Variants in TMEM117 observed in about 807,000 individuals in gnomAD.
TMEM117 encodes the protein transmembrane protein 117.
In TMEM117, 27 loss-of-function variants were observed where a neutral mutation model predicts 52.4. That is an observed-to-expected ratio of 0.51 (90% CI 0.38 to 0.71). The LOEUF is 0.71. TMEM117 is among the 30% of genes least tolerant of loss of function. The pLI is 0.00. For synonymous variants in TMEM117, 215 were observed against 206.3 expected, an observed-to-expected ratio of 1.04 and a Z score of -0.36; for missense variants, 556 against 630.5, an observed-to-expected ratio of 0.88 and a Z score of 1.26.
chr12:43,899,691 A>T (rs1453395106), intron 2 of TMEM117, among the ~76,000 whole-genome samples: 1 of 152,198 alleles, frequency 6.6e-6, no homozygotes, highest in Non-Finnish European at 1.5e-5. Context: ...ATTATAAAAA[A>T]GACTACTATT....
At chr12:43,894,680 G>A (rs957907225) in intron 2 of TMEM117, among the ~76,000 whole-genome samples, 1 of 151,890 alleles carries the variant, frequency 6.6e-6, no homozygotes. Flanking sequence ...GTTTGCTAAG[G>A]ATAATGGCCC....
chr12:44,258,673 A>G (rs921476311), intron 5 of TMEM117, among the ~76,000 whole-genome samples: 2 of 152,184 alleles, frequency 1.3e-5, no homozygotes, highest in Admixed American at 6.6e-5. Context: ...GCTTTTCACA[A>G]TTCAATAGTC....
chr12:44,339,915 C>T (rs926263466), intron 6 of TMEM117, among the ~76,000 whole-genome samples: 7 of 151,982 alleles, frequency 4.6e-5, no homozygotes, highest in Admixed American at 1.3e-4. Flanking sequence ...GACAATTCTA[C>T]ATTTAAAGTG....
At chr12:44,182,096 A>G (rs1949208952) in intron 4 of TMEM117, among the ~76,000 whole-genome samples, 1 of 151,916 alleles carries the variant, frequency 6.6e-6, no homozygotes, top group South Asian at 2.1e-4. Context: ...ATTCCTAGGT[A>G]TTTTATTCTC....
intron 2 of TMEM117, among the ~76,000 whole-genome samples, chr12:43,941,374 A>G (rs1945041647): frequency 6.6e-6 from 1 of 152,196 alleles, no homozygotes; most frequent in African/African-American, 2.4e-5. Context: ...TTTCCAAACC[A>G]GCATACCTAA....
At chr12:43,996,940 C>A (rs1327496134) in intron 3 of TMEM117, among the ~76,000 whole-genome samples, 2 of 152,144 alleles carry the variant, frequency 1.3e-5, no homozygotes, top group Non-Finnish European at 2.9e-5. Context: ...ATTAAGTTGA[C>A]AATATAGAGA....
intron 4 of TMEM117, among the ~76,000 whole-genome samples, chr12:44,166,610 A>G (rs1325214875): frequency 6.6e-6 from 1 of 152,204 alleles, no homozygotes; most frequent in African/African-American, 2.4e-5. Flanking sequence ...CTAAGTGGAC[A>G]AATAAAATTT....
At chr12:44,029,070 A>G (rs1203572782) in intron 3 of TMEM117, among the ~76,000 whole-genome samples, 1 of 152,184 alleles carries the variant, frequency 6.6e-6, no homozygotes, top group Non-Finnish European at 1.5e-5. Flanking sequence ...CAGGAAAAGA[A>G]TGGAATTAGG....
At chr12:44,239,676 G>A (rs1038818442) in intron 5 of TMEM117, among the ~76,000 whole-genome samples, 7 of 151,848 alleles carry the variant, frequency 4.6e-5, no homozygotes, top group Admixed American at 4.6e-4. Flanking sequence ...TGCTTTTCAC[G>A]CCTGTAGCAT....
In TMEM117 at chr12:44,067,162, G is replaced by A. The variant is rs188636767; in HGVS notation, c.411-76363G>A. Among the ~76,000 whole-genome samples, 3 of 152,196 alleles carry A rather than the reference G, an allele frequency of 2.0e-5. No homozygotes were observed. In the East Asian group the frequency reaches 5.8e-4, roughly 29 times the overall value. The stretch of plus-strand genomic sequence containing the variant: ...TCTTCAGGCTCTACTTCTAATTCTA[G>A]TTCTCTTGCTGTTTCTATAACATCT... On this transcript the variant is annotated intron_variant, in intron 3 of 7. Transcript: ENST00000266534.
rs115434533 is a variant in TMEM117, at chr12:44,330,100, C to A, written c.768+30361C>A. Among the ~76,000 whole-genome samples, 912 of 152,100 alleles carry A rather than the reference C, an allele frequency of 6.0e-3. 11 individuals are homozygous for A. Among genetic ancestry groups the A allele is most frequent in the African/African-American group, 0.02 (826 of 41,530 alleles). On this transcript the variant is annotated intron_variant, in intron 6 of 7. Transcript: ENST00000266534. ...TTTTGAGGAAGTGCCGTACCGTTTA[C>A]ATTCCCACTGTCAATGCACAAGGGT...
intron 5 of TMEM117, among the ~76,000 whole-genome samples, chr12:44,285,644 C>T (rs1327099000): frequency 6.6e-6 from 1 of 152,204 alleles, no homozygotes; most frequent in Non-Finnish European, 1.5e-5. Flanking sequence ...ATCAGCTGGG[C>T]TTCAGGGTTC....
intron 5 of TMEM117, among the ~76,000 whole-genome samples, chr12:44,260,520 A>G (rs1436018564): frequency 6.6e-6 from 1 of 152,220 alleles, no homozygotes; most frequent in Non-Finnish European, 1.5e-5. Flanking sequence ...TCCATTGGTA[A>G]TATCTATTAT....
intron 3 of TMEM117, among the ~76,000 whole-genome samples, chr12:44,002,623 G>A (rs1946133767): frequency 6.6e-6 from 1 of 152,014 alleles, no homozygotes; most frequent in Admixed American, 6.5e-5. Flanking sequence ...TCCTTTCCCT[G>A]GGTTGTCCAG....
chr12:44,175,821 C>A (rs1307117817), intron 4 of TMEM117, among the ~76,000 whole-genome samples: 1 of 152,102 alleles, frequency 6.6e-6, no homozygotes, highest in Non-Finnish European at 1.5e-5. Flanking sequence ...GTAACAAATG[C>A]TGCTGGAAAG....
intron 4 of TMEM117, among the ~76,000 whole-genome samples, chr12:44,203,987 G>C: frequency 6.6e-6 from 1 of 152,108 alleles, no homozygotes; most frequent in Non-Finnish European, 1.5e-5. Flanking sequence ...AAATATGGAT[G>C]CATTTCCCCT....
intron 4 of TMEM117, among the ~76,000 whole-genome samples, chr12:44,178,965 G>T (rs752197484): frequency 1.3e-5 from 2 of 152,010 alleles, no homozygotes; most frequent in Non-Finnish European, 2.9e-5. Context: ...AGGCCAAGGC[G>T]GGCGGATCAC....
chr12:44,036,243 A>T (rs1478234034), intron 3 of TMEM117, among the ~76,000 whole-genome samples: 1 of 152,226 alleles, frequency 6.6e-6, no homozygotes, highest in Non-Finnish European at 1.5e-5. Flanking sequence ...AGAAAGAAGT[A>T]TATAAAATAT....
intron 3 of TMEM117, among the ~76,000 whole-genome samples, chr12:44,133,359 A>T (rs1565842150): frequency 6.6e-6 from 1 of 152,196 alleles, no homozygotes; most frequent in East Asian, 1.9e-4. Context: ...GGAAAATAGC[A>T]CTGTAATAGC....
Sources: gnomAD v4.1 joint callset for allele counts (sites outside exome capture counted in the v4.1 genomes callset) on GRCh38, gnomAD v4.1.1 for gene constraint, MANE v1.5 for transcripts, NCBI Gene and HGNC (gene_info 2026-07-23, HGNC 2026-07-21) for gene names.